PPEF1: variants seen among roughly 807,000 people sequenced by gnomAD.
The protein encoded by PPEF1 is protein phosphatase with EF-hand domain 1, also known as serine/threonine-protein phosphatase with EF-hands 1.
In PPEF1, 12 loss-of-function variants were observed where a neutral mutation model predicts 53.3. That is an observed-to-expected ratio of 0.23 (90% CI 0.14 to 0.36). PPEF1 has a LOEUF of 0.36. Ranked by LOEUF, PPEF1 falls within the 10% of genes least tolerant of loss-of-function variation. The pLI is 1.00. For missense variants in PPEF1, 334 were observed against 490.4 expected, an observed-to-expected ratio of 0.68 and a Z score of 3.01; for synonymous variants, 165 against 176.7, an observed-to-expected ratio of 0.93 and a Z score of 0.52.
At chrX:18,765,392 G>A (rs1040308886) in intron 6 of PPEF1, among the ~76,000 whole-genome samples, 7 of 111,429 alleles carry the variant, frequency 6.3e-5, no homozygotes, top group Non-Finnish European at 1.3e-4. Flanking sequence ...TACAACACGA[G>A]GACTATAGGT....
At chrX:18,739,279 G>A (rs774360457) in intron 3 of PPEF1, among the ~76,000 whole-genome samples, 4 of 112,160 alleles carry the variant, frequency 3.6e-5, no homozygotes, top group Admixed American at 2.8e-4. Flanking sequence ...TCTGCCTTTG[G>A]TCTTTGATGA....
chrX:18,724,684 T>C (rs1183523207), intron 1 of PPEF1, among the ~76,000 whole-genome samples: 1 of 111,782 alleles, frequency 8.9e-6, no homozygotes, highest in East Asian at 2.8e-4. Context: ...AGAAGCCCTG[T>C]TATCAGATGA....
At chrX:18,748,459 G>A (rs1569255369) in intron 3 of PPEF1, among the ~76,000 whole-genome samples, 2 of 112,226 alleles carry the variant, frequency 1.8e-5, no homozygotes. Flanking sequence ...GTAACAATTC[G>A]GTGTTAATGA....
intron 3 of PPEF1, among the ~76,000 whole-genome samples, chrX:18,743,557 C>G (rs2045250924): frequency 9.8e-6 from 1 of 101,523 alleles, no homozygotes; most frequent in African/African-American, 3.6e-5. Flanking sequence ...TCAAGCCATT[C>G]TCCTGCCTCA....
intron 14 of PPEF1, among the ~76,000 whole-genome samples, chrX:18,824,570 G>C (rs1415883100): frequency 3.6e-5 from 4 of 111,559 alleles, no homozygotes; most frequent in Non-Finnish European, 7.5e-5. Flanking sequence ...TAAGCAAAAA[G>C]AAAAAAGAAA....
At chrX:18,790,656 A>G (rs1438960972) in intron 10 of PPEF1, among the ~76,000 whole-genome samples, 1 of 110,482 alleles carries the variant, frequency 9.1e-6, no homozygotes, top group Non-Finnish European at 1.9e-5. Flanking sequence ...GAGATTCCAA[A>G]TTCTTTCTGT....
chrX:18,827,207 G>T, intron 15 of PPEF1, 69 bp from the exon 16 acceptor site: 1 of 941,150 alleles, frequency 1.1e-6, no homozygotes, highest in Non-Finnish European at 1.5e-6. Context: ...AATCAGTGTG[G>T]GTTCCCCAAC....
intron 10 of PPEF1, among the ~76,000 whole-genome samples, chrX:18,796,280 T>C (rs866933125): frequency 2.1e-4 from 24 of 112,691 alleles, no homozygotes; most frequent in African/African-American, 7.4e-4. Context: ...TTCAACTTCT[T>C]ACATGGGAAT....
chrX:18,685,941 TTGAA>T (rs1452425896), intron 2 of PPEF1, among the ~76,000 whole-genome samples: 2 of 110,895 alleles, frequency 1.8e-5, no homozygotes, highest in African/African-American at 6.6e-5. Flanking sequence ...GAAGAGAAAT[TTGAA>T]TGAATTCACA....
At chrX:18,796,826 C>T (rs907954352) in intron 10 of PPEF1, among the ~76,000 whole-genome samples, 1 of 111,709 alleles carries the variant, frequency 9.0e-6, no homozygotes, top group Non-Finnish European at 1.9e-5. Context: ...CTCCTTAAAC[C>T]TTGACATCCA....
chrX:18,705,578 G>A (rs1460821886), upstream of PPEF1, among the ~76,000 whole-genome samples: 1 of 111,478 alleles, frequency 9.0e-6, no homozygotes, highest in African/African-American at 3.3e-5. Flanking sequence ...AGCTGGGCAT[G>A]GTGGCGCATG....
At chrX:18,817,364 C>T (rs972648640) in intron 12 of PPEF1, among the ~76,000 whole-genome samples, 3 of 108,434 alleles carry the variant, frequency 2.8e-5, no homozygotes, top group East Asian at 2.9e-4. Flanking sequence ...TTTTTTGAGA[C>T]AGAGTCTGGC....
At chrX:18,708,020 T>C (rs1298913121) in intron 1 of PPEF1, among the ~76,000 whole-genome samples, 194 bp downstream of exon 1, 2 of 112,545 alleles carry the variant, frequency 1.8e-5, no homozygotes, top group African/African-American at 6.5e-5. Flanking sequence ...CCATAAAGTA[T>C]TGTCTTAGAG....
chrX:18,767,421 C>A (rs768751701), intron 6 of PPEF1, among the ~76,000 whole-genome samples: 7 of 110,425 alleles, frequency 6.3e-5, no homozygotes, highest in Non-Finnish European at 1.3e-4. Flanking sequence ...GGCACACACC[C>A]GTAGTCCCAG....
chrX:18,710,269 A>T (rs2044294676), intron 1 of PPEF1, among the ~76,000 whole-genome samples: 1 of 111,927 alleles, frequency 8.9e-6, no homozygotes, highest in Non-Finnish European at 1.9e-5. Context: ...CAAATATGTG[A>T]CTTGCAAATA....
chrX:18,711,004 ATGTG>A (rs1042669862), intron 1 of PPEF1, among the ~76,000 whole-genome samples: 1 of 107,819 alleles, frequency 9.3e-6, no homozygotes, highest in Non-Finnish European at 1.9e-5. Flanking sequence ...GTGTGTATAT[ATGTG>A]TGTGTGTGTA....
intron 3 of PPEF1, among the ~76,000 whole-genome samples, chrX:18,744,353 C>T (rs1250091579): frequency 9.0e-6 from 1 of 111,643 alleles, no homozygotes; most frequent in Non-Finnish European, 1.9e-5. Context: ...TCCTTGTAAT[C>T]CTACCACCTC....
At chrX:18,700,818 C>T (rs1046926037) in intron 6 of PPEF1, among the ~76,000 whole-genome samples, 1 of 112,209 alleles carries the variant, frequency 8.9e-6, no homozygotes, top group African/African-American at 3.2e-5. Context: ...CCTTTAGTTC[C>T]CTTGGCGTCT....
chrX:18,697,944 G>A (rs901251428), intron 5 of PPEF1: 1 of 111,205 alleles, frequency 9.0e-6, no homozygotes, highest in Non-Finnish European at 1.9e-5. Context: ...GCTGACTGAG[G>A]CAGTAGAGTG....
Sources: allele counts gnomAD v4.1 joint callset (sites outside exome capture counted in the v4.1 genomes callset), GRCh38; gene constraint gnomAD v4.1.1; transcripts MANE v1.5; gene names NCBI Gene and HGNC (gene_info 2026-07-23, HGNC 2026-07-21).